Variants in MICAL2 observed in about 807,000 individuals in gnomAD.
The protein encoded by MICAL2 is microtubule associated monooxygenase, calponin and LIM domain containing 2.
In MICAL2, 77 loss-of-function variants were observed where a neutral mutation model predicts 127.3. That is an observed-to-expected ratio of 0.60 (90% confidence interval 0.50 to 0.73). The LOEUF (loss-of-function observed/expected upper bound fraction) is 0.73, where lower values mean the gene tolerates loss of function less well. MICAL2 is among the 30% of genes least tolerant of loss of function. The pLI, the probability that MICAL2 is intolerant of heterozygous loss-of-function variation, is 0.00. For missense variants in MICAL2, 1,351 were observed against 1,434.4 expected (o/e 0.94, Z 0.94); for synonymous variants, 570 against 551.1 (o/e 1.03, Z -0.48).
In MICAL2 at chr11:12,180,359, T is replaced by TTG. The variant is rs1857312240; in HGVS notation, c.264+17940_264+17941insTG. Among the ~76,000 whole-genome samples, 9 of 133,438 alleles carry TTG rather than the reference T, an allele frequency of 6.7e-5. No individual in the cohort carries two copies. In the South Asian group the frequency reaches 1.9e-3, roughly 28 times the overall value. 87.5% of individuals were successfully genotyped at this position (133,438 alleles called of 152,430 possible). ...TGTATATATGTATATATTTTTTTTTTGGCAGGAAGGTTTCCCATGAAGGGC... is the reference window on the plus strand; with the variant it reads ...TGTATATATGTATATATTTTTTTTTTTGGGCAGGAAGGTTTCCCATGAAGGGC... On this transcript the variant is annotated intron_variant, in intron 3 of 27. Transcript: ENST00000683283.
intron 2 of MICAL2, among the ~76,000 whole-genome samples, chr11:12,153,642 T>A (rs1287735278): frequency 1.3e-5 from 2 of 152,230 alleles, no homozygotes; most frequent in Non-Finnish European, 2.9e-5. Context: ...TTCACCATAT[T>A]GGTCAGGCTG....
intron 2 of MICAL2, among the ~76,000 whole-genome samples, chr11:12,145,786 G>A (rs1283145510): frequency 6.6e-6 from 1 of 152,208 alleles, no homozygotes; most frequent in East Asian, 1.9e-4. Flanking sequence ...AGACTCTGGG[G>A]TGAGGGACAT....
At chr11:12,218,708 A>G (rs1430021285) in intron 8 of MICAL2, among the ~76,000 whole-genome samples, 1 of 152,218 alleles carries the variant, frequency 6.6e-6, no homozygotes, top group African/African-American at 2.4e-5. Flanking sequence ...CTCTTGGACC[A>G]GTGCTGGATG....
At chr11:12,259,709 T>G in intron 25 of MICAL2, 86 bp from the exon 26 acceptor site, 3 of 1,239,974 alleles carry the variant, frequency 2.4e-6, no homozygotes, top group Non-Finnish European at 3.3e-6. Context: ...GTCTGGCGAG[T>G]TCAGTTTGTA....
downstream of MICAL2, chr11:12,293,934 G>A (rs765487636): frequency 6.2e-7 from 1 of 1,613,018 alleles, no homozygotes; most frequent in Admixed American, 1.7e-5. Flanking sequence ...GAAGAGGGAG[G>A]GCCAGTGCTG....
At chr11:12,137,624 G>T (rs7117917) in intron 1 of MICAL2, among the ~76,000 whole-genome samples, 24 of 152,122 alleles carry the variant, frequency 1.6e-4, no homozygotes, top group East Asian at 7.7e-4. Flanking sequence ...TGTGTGTGTG[G>T]GGGGCACCAC....
intron 3 of MICAL2, among the ~76,000 whole-genome samples, chr11:12,197,060 A>G (rs1860030172): frequency 6.6e-6 from 1 of 152,158 alleles, no homozygotes; most frequent in Non-Finnish European, 1.5e-5. Flanking sequence ...TCCAGCATTC[A>G]TTGTATCTGT....
At chr11:12,315,692 TGC>T (rs1286819547) in intron 29 of MICAL2, among the ~76,000 whole-genome samples, 2 of 152,202 alleles carry the variant, frequency 1.3e-5, no homozygotes, top group African/African-American at 4.8e-5. Context: ...ATGTTTCCTG[TGC>T]GCTTTCAAAT....
At chr11:12,190,417 G>T (rs974708459) in intron 3 of MICAL2, among the ~76,000 whole-genome samples, 6 of 152,156 alleles carry the variant, frequency 3.9e-5, no homozygotes, top group African/African-American at 1.4e-4. Flanking sequence ...GAAACTTGAG[G>T]ATTTTCTGTC....
chr11:12,282,954 G>A (rs1204339488), intron 2 of MICAL2, among the ~76,000 whole-genome samples: 1 of 152,186 alleles, frequency 6.6e-6, no homozygotes, highest in African/African-American at 2.4e-5. Flanking sequence ...AGACTAGTTG[G>A]GTTGGGTAGT....
rs151027841 is a variant in MICAL2, at chr11:12,147,804, A to G, written c.-78+9344A>G. Among the ~76,000 whole-genome samples, 1,490 of 152,314 alleles carry G rather than the reference A, an allele frequency of 9.8e-3. 15 individuals carry two copies. The highest frequency in any genetic ancestry group is 0.017 in the Middle Eastern group (5 of 294). ...ATTGAATGTGGCTAGTGGGTCCCAA[A>G]GTTGGCTGATCAACAGAATTCCCTG... On this transcript the variant is annotated intron_variant, in intron 2 of 27. Coordinates refer to ENST00000683283, the MANE Select transcript of MICAL2 (RefSeq NM_001282663.2).
rs1343663535 is a variant in MICAL2, at chr11:12,247,221, C to A, written c.2785-1963C>A. On this transcript the variant is annotated intron_variant, in intron 21 of 27. Coordinates refer to ENST00000683283, the MANE Select transcript of MICAL2 (RefSeq NM_001282663.2). ...GGCTGTGTGCATGTAAACCCTCACA[C>A]TCAGGGACAGGGAGGGCTTTGGGGT... Among the ~76,000 whole-genome samples, 3 of 152,198 alleles carry A rather than the reference C, an allele frequency of 2.0e-5. No individual in the cohort carries two copies. In the East Asian group the frequency reaches 5.8e-4, roughly 29 times the overall value.
chr11:12,123,696 A>G (rs61319577), intron 1 of MICAL2, among the ~76,000 whole-genome samples: 3,780 of 152,208 alleles, frequency 0.025, 158 homozygotes, highest in African/African-American at 0.086. Context: ...GACATTTTAT[A>G]ATGGGAAAAA....
rs1396469560 is a variant in MICAL2 at position 12,204,398 on chromosome 11, G to A, written c.413G>A (p.Arg138His). 6.2e-6 allele frequency: 10 copies of A among 1,612,546 alleles called. No individual in the cohort carries two copies. Among genetic ancestry groups the A allele is most frequent in the Admixed American group, 1.7e-5 (1 of 59,738 alleles). Residue 138 changes from arginine (R) to histidine (H), a missense_variant, in exon 4 of 28, where the codon CGT becomes CAT. Physicochemically the swap from Arg to His is conservative, Grantham distance 29. This residue lies in a region of MICAL2 where 599 missense variants were observed against 714.9 expected (regional missense o/e 0.84). Transcript: ENST00000683283. ...TGGCCTTTCACCATCCATGACCTTC[G>A]TGGCCTGGGAGCCAAGAAGTTCTAT... ...HLWPFTIHDL[R>H]GLGAKKFYGK...
At chr11:12,260,896 A>G in intron 26 of MICAL2, 1 of 985,488 alleles carries the variant, frequency 1.0e-6, no homozygotes, top group South Asian at 4.7e-5. Context: ...AACAGATTCT[A>G]CAAACATGCA....
At chr11:12,290,569 A>G (rs1369445357), downstream of MICAL2, among the ~76,000 whole-genome samples, 1 of 152,188 alleles carries the variant, frequency 6.6e-6, no homozygotes, top group Non-Finnish European at 1.5e-5. Context: ...CTGACTCACA[A>G]CTTTTGCCTT....
chr11:12,113,558 C>T (rs756935790), intron 1 of MICAL2, among the ~76,000 whole-genome samples: 10 of 152,226 alleles, frequency 6.6e-5, no homozygotes, highest in Non-Finnish European at 1.0e-4. Context: ...CCCTTATCCG[C>T]GGTTTCACCT....
chr11:12,346,474 T>C (rs573290514), intron 32 of MICAL2, among the ~76,000 whole-genome samples: 7 of 152,322 alleles, frequency 4.6e-5, no homozygotes, highest in South Asian at 2.1e-4. Context: ...TGTACATTCT[T>C]AACTTCTATG....
intron 6 of MICAL2, among the ~76,000 whole-genome samples, chr11:12,211,474 ATGG>A (rs1855458035): frequency 6.6e-6 from 1 of 152,236 alleles, no homozygotes; most frequent in African/African-American, 2.4e-5. Context: ...GCTGGAGTAC[ATGG>A]TGAGCAGATG....
Sources: allele counts gnomAD v4.1 joint callset (sites outside exome capture counted in the v4.1 genomes callset), GRCh38; gene constraint gnomAD v4.1.1; regional missense constraint gnomAD v4.1.1; transcripts MANE v1.5; gene names NCBI Gene and HGNC (gene_info 2026-07-23, HGNC 2026-07-21).